DPP10: variants seen among roughly 807,000 people sequenced by gnomAD.
DPP10 encodes the protein inactive dipeptidyl peptidase 10.
Under a neutral mutation model 120.9 loss-of-function variants are expected in DPP10, and 33 were observed. The observed-to-expected ratio is 0.27, with a 90% CI of 0.21 to 0.37. The LOEUF (loss-of-function observed/expected upper bound fraction) is 0.37. Ranked by LOEUF, DPP10 falls within the 10% of genes least tolerant of loss-of-function variation. The pLI is 1.00. For missense variants in DPP10, 816 were observed against 942.8 expected, an observed-to-expected ratio of 0.87 and a Z score of 1.76; for synonymous variants, 337 against 326.1, an observed-to-expected ratio of 1.03 and a Z score of -0.36.
chr2:114,491,966 T>C (rs888660632), intron 1 of DPP10, among the ~76,000 whole-genome samples: 4 of 152,130 alleles, frequency 2.6e-5, no homozygotes, highest in Non-Finnish European at 5.9e-5. Flanking sequence ...AATGAATGAA[T>C]ATAAGCTCAA....
At chr2:115,038,609 C>T (rs1317110596) in intron 1 of DPP10, among the ~76,000 whole-genome samples, 1 of 152,046 alleles carries the variant, frequency 6.6e-6, no homozygotes, top group Non-Finnish European at 1.5e-5. Context: ...CTTCTTTGAG[C>T]CAGGGATTTA....
At chr2:114,710,611 A>G (rs748609173) in intron 1 of DPP10, among the ~76,000 whole-genome samples, 1 of 152,086 alleles carries the variant, frequency 6.6e-6, no homozygotes, top group Non-Finnish European at 1.5e-5. Flanking sequence ...TGGGTGTGGT[A>G]GCACATGCCT....
chr2:115,374,865 A>G (rs895441645), intron 3 of DPP10, among the ~76,000 whole-genome samples: 21 of 152,236 alleles, frequency 1.4e-4, no homozygotes, highest in African/African-American at 5.1e-4. Context: ...CCAAGGCTGC[A>G]CAGAGCAGCT....
intron 1 of DPP10, 124 bp from the exon 2 acceptor site, chr2:115,309,115 G>A (rs2106022485): frequency 1.4e-6 from 1 of 702,388 alleles, no homozygotes; most frequent in Non-Finnish European, 2.4e-6. Flanking sequence ...ATGAACTACT[G>A]AAGAGGAAAT....
chr2:115,317,252 A>T (rs1479907719), intron 2 of DPP10, among the ~76,000 whole-genome samples: 1 of 152,128 alleles, frequency 6.6e-6, no homozygotes, highest in African/African-American at 2.4e-5. Flanking sequence ...CTGAAGATCT[A>T]CTTTTTCTAG....
At chr2:115,311,049 T>C (rs1185597438) in intron 2 of DPP10, among the ~76,000 whole-genome samples, 1 of 152,186 alleles carries the variant, frequency 6.6e-6, no homozygotes, top group African/African-American at 2.4e-5. Context: ...TGCTCAACCC[T>C]TTTCAATTTT....
intron 1 of DPP10, among the ~76,000 whole-genome samples, chr2:114,504,476 C>T (rs77255669): frequency 1.1e-3 from 163 of 152,230 alleles, no homozygotes; most frequent in African/African-American, 3.8e-3. Context: ...CCCTTCTCCT[C>T]ACCCTCTATC....
chr2:115,570,091 G>A lies in DPP10; in HGVS notation c.441+44119G>A, dbSNP rs78826099. On this transcript the variant is annotated intron_variant, in intron 5 of 25. Transcript: ENST00000410059. ...TTCTAGGAAACATACTTTTTCTGAC[G>A]TTGAAAAGTTGCTTTCTGAGGAGTC... 9.6e-3 allele frequency among the ~76,000 whole-genome samples: 1,463 copies of A among 152,232 alleles called. 99 individuals are homozygous for A. The East Asian group carries it at 0.17, about 18-fold the overall frequency.
intron 1 of DPP10, among the ~76,000 whole-genome samples, chr2:114,482,480 T>G (rs542877501): frequency 9.1e-4 from 139 of 152,296 alleles, no homozygotes; most frequent in Non-Finnish European, 1.7e-3. Context: ...CTTGGTTGCT[T>G]AAAACAGACA....
chr2:115,277,995 A>G (rs1365317354), intron 1 of DPP10, among the ~76,000 whole-genome samples: 1 of 152,162 alleles, frequency 6.6e-6, no homozygotes, highest in Non-Finnish European at 1.5e-5. Context: ...CACACTTACA[A>G]ATGGGTGTTT....
chr2:114,808,611 G>A (rs189136767), intron 1 of DPP10, among the ~76,000 whole-genome samples: 107 of 147,040 alleles, frequency 7.3e-4, no homozygotes, highest in African/African-American at 2.6e-3. Flanking sequence ...AAATGAAACC[G>A]TTTACCGTGG....
chr2:115,097,201 A>T (rs1233654619), intron 1 of DPP10, among the ~76,000 whole-genome samples: 1 of 152,160 alleles, frequency 6.6e-6, no homozygotes, highest in African/African-American at 2.4e-5. Flanking sequence ...ATAATAATAA[A>T]GCTAATCAGG....
At chr2:114,541,693 AG>A (rs1207530737) in intron 1 of DPP10, among the ~76,000 whole-genome samples, 2 of 152,218 alleles carry the variant, frequency 1.3e-5, no homozygotes, top group African/African-American at 4.8e-5. Flanking sequence ...ATGTTACCAA[AG>A]CACATTGACA....
intron 5 of DPP10, among the ~76,000 whole-genome samples, chr2:115,596,397 A>AT (rs894906247): frequency 3.9e-4 from 60 of 152,050 alleles, no homozygotes; most frequent in Non-Finnish European, 7.2e-4. Context: ...TGATTTAAGT[A>AT]TTTTTTTTCC....
At chr2:115,493,481 G>C (rs985872145) in intron 3 of DPP10, among the ~76,000 whole-genome samples, 1 of 150,998 alleles carries the variant, frequency 6.6e-6, no homozygotes, top group Non-Finnish European at 1.5e-5. Context: ...CATATAAGAA[G>C]GTGTGAGTAG....
intron 1 of DPP10, among the ~76,000 whole-genome samples, chr2:114,534,991 C>T (rs565391440): frequency 3.2e-4 from 48 of 152,118 alleles, no homozygotes; most frequent in Middle Eastern, 3.4e-3. Flanking sequence ...TTAACTTTCT[C>T]GGCTCTATCA....
intron 1 of DPP10, among the ~76,000 whole-genome samples, chr2:114,993,363 AC>A (rs567469260): frequency 1.8e-4 from 2 of 11,270 alleles, no homozygotes; most frequent in South Asian, 2.5e-3. Flanking sequence ...GGTGAATAAT[AC>A]TTTTTTTTTT....
intron 21 of DPP10, among the ~76,000 whole-genome samples, chr2:115,830,190 T>G (rs1335708356): frequency 6.6e-6 from 1 of 151,890 alleles, no homozygotes; most frequent in Non-Finnish European, 1.5e-5. Flanking sequence ...ACCCCGTCTC[T>G]GCTAAAAAAG....
intron 3 of DPP10, among the ~76,000 whole-genome samples, chr2:115,377,410 T>C (rs1159527045): frequency 5.3e-5 from 8 of 152,350 alleles, no homozygotes. Flanking sequence ...TTTGTTTTTT[T>C]CTTGTAAATT....
Sources: allele counts gnomAD v4.1 joint callset (sites outside exome capture counted in the v4.1 genomes callset), GRCh38; gene constraint gnomAD v4.1.1; transcripts MANE v1.5; gene names NCBI Gene and HGNC (gene_info 2026-07-23, HGNC 2026-07-21).